TMEM178B: variants seen among roughly 807,000 people sequenced by gnomAD.
TMEM178B encodes the protein transmembrane protein 178B.
A neutral mutation model predicts 31.0 loss-of-function variants in TMEM178B; 5 were observed. The observed-to-expected ratio is 0.16, with a 90% CI of 0.08 to 0.34. The LOEUF (loss-of-function observed/expected upper bound fraction) is 0.34, where lower values mean the gene tolerates loss of function less well. TMEM178B is among the 10% of genes least tolerant of loss of function. The pLI is 1.00. For synonymous variants in TMEM178B, 164 were observed against 164.0 expected (o/e 1.00, Z 0.00); for missense variants, 275 against 400.3 (o/e 0.69, Z 2.67).
intron 1 of TMEM178B, among the ~76,000 whole-genome samples, chr7:141,140,123 G>T (rs761761287): frequency 1.8e-4 from 28 of 152,154 alleles, no homozygotes; most frequent in Admixed American, 5.2e-4. Flanking sequence ...TCTGGCGCTT[G>T]CATACCCCCT....
intron 2 of TMEM178B, among the ~76,000 whole-genome samples, chr7:141,248,283 C>T (rs574425158): frequency 1.4e-4 from 22 of 152,114 alleles, no homozygotes; most frequent in Non-Finnish European, 2.5e-4. Flanking sequence ...TGGTGGCAGG[C>T]GCCTGTAATC....
chr7:141,442,732 C>T (rs1369917056), intron 3 of TMEM178B, among the ~76,000 whole-genome samples: 2 of 152,200 alleles, frequency 1.3e-5, no homozygotes, highest in Non-Finnish European at 2.9e-5. Context: ...CACCCAGTTT[C>T]ATGCAGCCAC....
intron 2 of TMEM178B, among the ~76,000 whole-genome samples, chr7:141,254,510 G>C (rs1005290214): frequency 1.3e-5 from 2 of 152,162 alleles, no homozygotes; most frequent in African/African-American, 4.8e-5. Context: ...CTGAGGTCAG[G>C]AGTTCGAGAC....
chr7:141,168,325 A>G (rs558942707), intron 1 of TMEM178B, among the ~76,000 whole-genome samples: 146 of 152,322 alleles, frequency 9.6e-4, no homozygotes, highest in Middle Eastern at 3.4e-3. Flanking sequence ...CCAGAGACAC[A>G]TCCTGCCTTG....
Position 141,185,760 on chromosome 7 carries a change from C to T in TMEM178B, c.383-26831C>T, listed in dbSNP as rs144028185. On this transcript the variant is annotated intron_variant, in intron 1 of 3. Coordinates refer to ENST00000565468, the MANE Select transcript of TMEM178B (RefSeq NM_001195278.2). ...AAAAATGCCAGTCCTCACCTCGGTCCGTGGGGGTGGAGCCCTAACCAGGGA... is the reference window on the plus strand; with the variant it reads ...AAAAATGCCAGTCCTCACCTCGGTCTGTGGGGGTGGAGCCCTAACCAGGGA... 2.5e-3 allele frequency among the ~76,000 whole-genome samples: 386 copies of T among 152,152 alleles called. 1 individual carries two copies. The highest frequency in any genetic ancestry group is 4.1e-3 in the Non-Finnish European group (277 of 68,008).
chr7:141,166,563 G>T (rs139928492), intron 1 of TMEM178B, among the ~76,000 whole-genome samples: 181 of 152,304 alleles, frequency 1.2e-3, no homozygotes, highest in East Asian at 6.8e-3. Flanking sequence ...CCACCTTCTA[G>T]TATCTACTGA....
At chr7:141,442,552 C>T (rs1308926927) in intron 3 of TMEM178B, among the ~76,000 whole-genome samples, 3 of 152,148 alleles carry the variant, frequency 2.0e-5, no homozygotes, top group Non-Finnish European at 4.4e-5. Context: ...TCCCTAAAGT[C>T]GGGTCACTCC....
chr7:141,453,520 G>A (rs953527461), intron 3 of TMEM178B, among the ~76,000 whole-genome samples: 1 of 152,254 alleles, frequency 6.6e-6, no homozygotes, highest in Non-Finnish European at 1.5e-5. Flanking sequence ...ATAGTAACTT[G>A]TATGGTCCCT....
chr7:141,416,905 C>T (rs765752290), intron 2 of TMEM178B, among the ~76,000 whole-genome samples: 8 of 152,128 alleles, frequency 5.3e-5, no homozygotes, highest in East Asian at 1.9e-4. Context: ...ACTGACTACA[C>T]GTGAAGCATG....
At chr7:141,446,043 G>A (rs2032119598) in intron 3 of TMEM178B, among the ~76,000 whole-genome samples, 3 of 152,220 alleles carry the variant, frequency 2.0e-5, no homozygotes, top group Admixed American at 2.0e-4. Context: ...GAGGGGGTAA[G>A]TCATGTCACT....
At chr7:141,218,238 G>A (rs1029257402) in intron 2 of TMEM178B, among the ~76,000 whole-genome samples, 1 of 152,046 alleles carries the variant, frequency 6.6e-6, no homozygotes, top group African/African-American at 2.4e-5. Flanking sequence ...GCACACCTGG[G>A]GCAGAGAACG....
At chr7:141,267,073 G>A (rs985779245) in intron 2 of TMEM178B, among the ~76,000 whole-genome samples, 2 of 152,190 alleles carry the variant, frequency 1.3e-5, no homozygotes, top group Non-Finnish European at 2.9e-5. Flanking sequence ...CTGAAGAGGT[G>A]AGTATGGAGC....
chr7:141,084,677 G>C (rs752326380), intron 1 of TMEM178B, among the ~76,000 whole-genome samples: 4 of 152,096 alleles, frequency 2.6e-5, no homozygotes, highest in African/African-American at 4.8e-5. Flanking sequence ...CCCCGACTAG[G>C]TAATGCTTGT....
intron 1 of TMEM178B, among the ~76,000 whole-genome samples, chr7:141,212,166 C>T (rs933370900): frequency 2.0e-5 from 3 of 152,082 alleles, no homozygotes; most frequent in African/African-American, 7.2e-5. Flanking sequence ...CCACCATTCC[C>T]CCAGCTCACC....
intron 2 of TMEM178B, among the ~76,000 whole-genome samples, chr7:141,267,864 C>T (rs1367679301): frequency 2.0e-5 from 3 of 152,226 alleles, no homozygotes; most frequent in African/African-American, 7.2e-5. Context: ...GGCTGATAAC[C>T]ATTTCCTCCT....
At chr7:141,236,344 G>T (rs1797526805) in intron 2 of TMEM178B, among the ~76,000 whole-genome samples, 1 of 152,172 alleles carries the variant, frequency 6.6e-6, no homozygotes, top group Middle Eastern at 3.2e-3. Context: ...AGGTGCTTGT[G>T]TGCAAGTGGG....
intron 2 of TMEM178B, among the ~76,000 whole-genome samples, chr7:141,434,036 T>A (rs753561729): frequency 2.6e-5 from 4 of 152,226 alleles, no homozygotes; most frequent in Non-Finnish European, 5.9e-5. Context: ...CTCCCCGACC[T>A]GGAACACAGA....
At chr7:141,300,887 C>T (rs1423310011) in intron 2 of TMEM178B, among the ~76,000 whole-genome samples, 1 of 151,940 alleles carries the variant, frequency 6.6e-6, no homozygotes, top group Non-Finnish European at 1.5e-5. Context: ...ATTTTCTTTC[C>T]AACTCACAAT....
intron 2 of TMEM178B, among the ~76,000 whole-genome samples, chr7:141,330,452 A>G (rs1018659304): frequency 1.2e-4 from 18 of 152,222 alleles, no homozygotes; most frequent in Non-Finnish European, 4.4e-5. Context: ...AAAGGACATG[A>G]TCTCATTCCT....
Sources: allele counts gnomAD v4.1 joint callset (sites outside exome capture counted in the v4.1 genomes callset), GRCh38; gene constraint gnomAD v4.1.1; transcripts MANE v1.5; gene names NCBI Gene and HGNC (gene_info 2026-07-23, HGNC 2026-07-21).